The following CDH4 variants were observed in gnomAD, a reference collection of about 807,000 sequenced individuals.
CDH4 encodes cadherin 4, also known as cadherin-4.
Under a neutral mutation model 86.0 loss-of-function variants are expected in CDH4, and 33 were observed. That is an observed-to-expected ratio of 0.38 (90% CI 0.29 to 0.51). The LOEUF (loss-of-function observed/expected upper bound fraction) is 0.51. Among genes scored for constraint, CDH4 ranks in the 20% least tolerant of loss-of-function variants. CDH4 has a pLI of 0.86. For synonymous variants in CDH4, 555 were observed against 549.4 expected, an observed-to-expected ratio of 1.01 and a Z score of -0.14; for missense variants, 1,114 against 1,307.4, an observed-to-expected ratio of 0.85 and a Z score of 2.28.
At chr20:61,933,608 C>A (rs961102299) in intron 14 of CDH4, among the ~76,000 whole-genome samples, 2 of 152,180 alleles carry the variant, frequency 1.3e-5, no homozygotes, top group Non-Finnish European at 2.9e-5. Flanking sequence ...CCCCTCCCTG[C>A]CCCTCCCACA....
chr20:61,345,954 G>C (rs6129106), intron 2 of CDH4, among the ~76,000 whole-genome samples: 30,174 of 152,210 alleles, frequency 0.2, 2,998 homozygotes, highest in Middle Eastern at 0.35. Flanking sequence ...CTGGTATTTT[G>C]TAAGCATTCT....
chr20:61,360,921 G>A (rs959547923), intron 2 of CDH4, among the ~76,000 whole-genome samples: 9 of 152,182 alleles, frequency 5.9e-5, no homozygotes, highest in Admixed American at 1.3e-4. Flanking sequence ...TCCACGGAGA[G>A]GCAAACAAAA....
At chr20:61,559,519 C>CTTTTTTTTTTTT (rs1156864328) in intron 2 of CDH4, among the ~76,000 whole-genome samples, 7 of 105,174 alleles carry the variant, frequency 6.7e-5, no homozygotes, top group South Asian at 3.3e-4. Flanking sequence ...ATTTTTTTTT[C>CTTTTTTTTTTTT]TTTTTTTTTT....
intron 2 of CDH4, among the ~76,000 whole-genome samples, chr20:61,560,588 C>T (rs2086209455): frequency 6.6e-6 from 1 of 152,212 alleles, no homozygotes; most frequent in Non-Finnish European, 1.5e-5. Context: ...GCCCTGCACT[C>T]CAGCGCCTTC....
chr20:61,667,426 A>G lies in CDH4; in HGVS notation c.170-76137A>G, dbSNP rs112542986. 2.5e-4 allele frequency among the ~76,000 whole-genome samples: 38 copies of G among 152,368 alleles called. 1 individual carries two copies. Among genetic ancestry groups the G allele is most frequent in the African/African-American group, 7.7e-4 (32 of 41,598 alleles). On this transcript the variant is annotated intron_variant, in intron 2 of 15. Transcript: ENST00000614565. The stretch of plus-strand genomic sequence containing the variant: ...CCGGGGAACAGAGAAGCGGGGTTGC[A>G]TGTCAAAGGTCACAGAGCCAGAAAG...
rs548981078 is a variant in CDH4, at chr20:61,466,389, T to C, written c.169+211452T>C. On this transcript the variant is annotated intron_variant, in intron 2 of 15. Coordinates refer to ENST00000614565, the MANE Select transcript of CDH4 (RefSeq NM_001794.5). Reference sequence around the variant, plus strand: ...AGAAGGAAAAAGGGCTGGACCCCCATTGTAATAAGATCGTGCATAGCAGGT... The same window carrying C: ...AGAAGGAAAAAGGGCTGGACCCCCACTGTAATAAGATCGTGCATAGCAGGT... Among the ~76,000 whole-genome samples the C allele has an allele frequency of 3.3e-5, 5 of 152,318 alleles. No individual in the cohort carries two copies. The East Asian group carries it at 9.6e-4, about 29-fold the overall frequency.
intron 2 of CDH4, among the ~76,000 whole-genome samples, chr20:61,572,823 CTATGGATG>C (rs2086351287): frequency 2.2e-5 from 3 of 133,694 alleles, no homozygotes; most frequent in African/African-American, 8.5e-5. Context: ...TTTCAGAACA[CTATGGATG>C]GATGGATGGA....
intron 2 of CDH4, among the ~76,000 whole-genome samples, chr20:61,405,190 C>T (rs1208302758): frequency 6.6e-6 from 1 of 151,964 alleles, no homozygotes; most frequent in Admixed American, 6.6e-5. Context: ...TGCCTCCCTC[C>T]CCGGGATGCG....
intron 4 of CDH4, among the ~76,000 whole-genome samples, chr20:61,841,428 C>G (rs773455294): frequency 2.6e-5 from 4 of 152,178 alleles, no homozygotes; most frequent in Non-Finnish European, 4.4e-5. Flanking sequence ...CATACCCCCT[C>G]GTGACCAAAC....
chr20:61,373,205 C>T (rs945073201), intron 2 of CDH4, among the ~76,000 whole-genome samples: 5 of 152,106 alleles, frequency 3.3e-5, no homozygotes, highest in Admixed American at 6.5e-5. Flanking sequence ...TGTGTCCTGC[C>T]GGCCCCGTAG....
chr20:61,704,114 C>T (rs1231672723), intron 2 of CDH4, among the ~76,000 whole-genome samples: 4 of 151,968 alleles, frequency 2.6e-5, no homozygotes, highest in Non-Finnish European at 5.9e-5. Context: ...GTGGCTGAAA[C>T]GCATTTCCAT....
At chr20:61,637,263 C>T (rs971207752) in intron 2 of CDH4, among the ~76,000 whole-genome samples, 1 of 152,182 alleles carries the variant, frequency 6.6e-6, no homozygotes, top group Non-Finnish European at 1.5e-5. Flanking sequence ...CTGACTCTGC[C>T]GTTTATCACA....
intron 2 of CDH4, among the ~76,000 whole-genome samples, chr20:61,513,138 C>T (rs1221887379): frequency 6.6e-6 from 1 of 152,188 alleles, no homozygotes; most frequent in Non-Finnish European, 1.5e-5. Context: ...CAGGCACACA[C>T]AGCCAGCAGC....
At chr20:61,652,926 A>ATTTTTTTTTTTTTTTTTTT in intron 2 of CDH4, among the ~76,000 whole-genome samples, 1 of 112,618 alleles carries the variant, frequency 8.9e-6, no homozygotes, top group African/African-American at 3.0e-5. Flanking sequence ...GAATTTATTT[A>ATTTTTTTTTTTTTTTTTTT]TTTATTTATT....
Position 61,433,690 on chromosome 20 carries a change from G to A in CDH4, c.169+178753G>A, listed in dbSNP as rs530163272. ...TAGAGGGGATAAAGGAGAGAGTGGT[G>A]GCGCATGTGCCCAGGCTCCCGTCGG... On this transcript the variant is annotated intron_variant, in intron 2 of 15. Transcript: ENST00000614565. 1.9e-3 allele frequency among the ~76,000 whole-genome samples: 291 copies of A among 152,172 alleles called. 4 individuals are homozygous for A. Among genetic ancestry groups the A allele is most frequent in the Non-Finnish European group, 2.9e-3 (194 of 68,006 alleles).
intron 2 of CDH4, among the ~76,000 whole-genome samples, chr20:61,329,918 A>G (rs554565861): frequency 8.2e-6 from 1 of 121,620 alleles, no homozygotes; most frequent in South Asian, 2.5e-4. Flanking sequence ...GCACTCACTT[A>G]TAAGTGAGTA....
intron 2 of CDH4, among the ~76,000 whole-genome samples, chr20:61,348,401 G>T (rs1256846694): frequency 1.3e-5 from 2 of 152,098 alleles, no homozygotes; most frequent in African/African-American, 4.8e-5. Flanking sequence ...TGACACATGG[G>T]AATTATGGGA....
At chr20:61,639,604 G>C (rs2086984323) in intron 2 of CDH4, among the ~76,000 whole-genome samples, 1 of 152,166 alleles carries the variant, frequency 6.6e-6, no homozygotes, top group Admixed American at 6.5e-5. Flanking sequence ...CATTATTGTG[G>C]GGCAGAAGGG....
At chr20:61,449,477 T>C (rs1382312881) in intron 2 of CDH4, among the ~76,000 whole-genome samples, 1 of 152,210 alleles carries the variant, frequency 6.6e-6, no homozygotes, top group East Asian at 1.9e-4. Flanking sequence ...CCGTAGCCTG[T>C]GACGTGGGGA....
Sources: allele counts gnomAD v4.1 joint callset (sites outside exome capture counted in the v4.1 genomes callset), GRCh38; gene constraint gnomAD v4.1.1; transcripts MANE v1.5; gene names NCBI Gene and HGNC (gene_info 2026-07-23, HGNC 2026-07-21).